The following COPG2 variants were observed in gnomAD, a reference collection of about 807,000 sequenced individuals.
The protein encoded by COPG2 is coatomer subunit gamma-2.
Under a neutral mutation model 46.3 loss-of-function variants are expected in COPG2, and 37 were observed. That is an observed-to-expected ratio of 0.80 (90% CI 0.61 to 1.05). The LOEUF is 1.05. COPG2 is among the 50% of genes least tolerant of loss of function. The pLI is 0.00. For synonymous variants in COPG2, 159 were observed against 129.7 expected (o/e 1.23, Z -1.53); for missense variants, 427 against 387.8 (o/e 1.10, Z -0.85).
Position 130,666,910 on chromosome 7 carries a change from G to GT in COPG2, c.109dup (p.Thr37AsnfsTer23), listed in dbSNP as rs1796093836. On this transcript the variant is annotated frameshift_variant, in exon 3 of 24. Transcript: ENST00000425248. LOFTEE classifies it high-confidence loss of function. Reference sequence around the variant, plus strand: ...CAAACATCTTCTTGGATTGATTGGAGTTTCATTGAATATACGAGCCTATGA... The same window carrying GT: ...CAAACATCTTCTTGGATTGATTGGAGTTTTCATTGAATATACGAGCCTATGA... The GT allele has an allele frequency of 4.5e-6, 7 of 1,560,032 alleles. No homozygotes were observed. Among genetic ancestry groups the GT allele is most frequent in the Non-Finnish European group, 6.1e-6 (7 of 1,143,132 alleles).
At chr7:130,549,408 C>T in intron 17 of COPG2, 32 bp from the exon 18 acceptor site, 1 of 398,510 alleles carries the variant, frequency 2.5e-6, no homozygotes, top group Non-Finnish European at 4.4e-6. Context: ...AGTAAGTGAA[C>T]TTCTCCCACT....
At chr7:130,659,841 GGCGGAGGCT>G (rs1319447579) in intron 4 of COPG2, among the ~76,000 whole-genome samples, 2 of 152,160 alleles carry the variant, frequency 1.3e-5, no homozygotes, top group African/African-American at 4.8e-5. Context: ...AAACCCGGGA[GGCGGAGGCT>G]GCAGTGAGCC....
At chr7:130,531,542 G>C (rs1174370405) in intron 20 of COPG2, among the ~76,000 whole-genome samples, 1 of 151,988 alleles carries the variant, frequency 6.6e-6, no homozygotes, top group Non-Finnish European at 1.5e-5. Flanking sequence ...AGGTGGCAGG[G>C]AGGGGCACAA....
intron 5 of COPG2, among the ~76,000 whole-genome samples, chr7:130,642,237 C>A (rs1184171887): frequency 4.6e-5 from 3 of 65,788 alleles, no homozygotes; most frequent in African/African-American, 1.9e-4. Flanking sequence ...AAGACACTAA[C>A]TACATCTCTT....
At chr7:130,644,088 T>C (rs1795545927) in intron 5 of COPG2, among the ~76,000 whole-genome samples, 2 of 152,246 alleles carry the variant, frequency 1.3e-5, no homozygotes, top group East Asian at 1.9e-4. Context: ...TTAGAATCTA[T>C]TAATTAGAGA....
intron 20 of COPG2, chr7:130,509,954 G>C (rs1187157151): frequency 4.2e-6 from 2 of 471,336 alleles, no homozygotes; most frequent in African/African-American, 2.0e-5. Flanking sequence ...ACAGGCAAAA[G>C]GAAAGAGGCC....
intron 20 of COPG2, among the ~76,000 whole-genome samples, chr7:130,527,049 C>T (rs1799781685): frequency 6.6e-6 from 1 of 151,700 alleles, no homozygotes; most frequent in African/African-American, 2.4e-5. Context: ...GTGATGGATA[C>T]TGGCTGGAGA....
chr7:130,610,407 T>C (rs987756619), intron 9 of COPG2: 2 of 376,522 alleles, frequency 5.3e-6, no homozygotes, highest in Middle Eastern at 3.8e-4. Context: ...AAGAAATCTT[T>C]GTTTTAGAGC....
At chr7:130,600,010 G>C (rs1218466011) in intron 9 of COPG2, among the ~76,000 whole-genome samples, 1 of 152,054 alleles carries the variant, frequency 6.6e-6, no homozygotes, top group African/African-American at 2.4e-5. Context: ...CTAAATAGGA[G>C]GTCAATTTTG....
intron 20 of COPG2, among the ~76,000 whole-genome samples, chr7:130,515,346 AC>A (rs1463354149): frequency 0.012 from 1,789 of 152,234 alleles, 35 homozygotes; most frequent in African/African-American, 0.041. Context: ...GGGAGGAGGT[AC>A]CACACACTGA....
intron 20 of COPG2, among the ~76,000 whole-genome samples, chr7:130,540,589 G>C (rs1374174117): frequency 6.6e-6 from 1 of 152,036 alleles, no homozygotes; most frequent in Non-Finnish European, 1.5e-5. Flanking sequence ...GTGTGTTAAA[G>C]GGCAAATAGG....
At chr7:130,638,875 A>G (rs1554456797) in intron 5 of COPG2, among the ~76,000 whole-genome samples, 1 of 152,198 alleles carries the variant, frequency 6.6e-6, no homozygotes, top group East Asian at 1.9e-4. Flanking sequence ...ACCAGAGGGA[A>G]TCTCCTGGTC....
At chr7:130,638,853 G>A (rs915740839) in intron 5 of COPG2, among the ~76,000 whole-genome samples, 1 of 152,212 alleles carries the variant, frequency 6.6e-6, no homozygotes, top group Non-Finnish European at 1.5e-5. Flanking sequence ...CCAGGGCCCT[G>A]GTGGCGTAGG....
chr7:130,560,077 T>C (rs1793692996), intron 12 of COPG2, among the ~76,000 whole-genome samples: 1 of 152,212 alleles, frequency 6.6e-6, no homozygotes, highest in Non-Finnish European at 1.5e-5. Flanking sequence ...AAACTGCCTC[T>C]ATTCACAAAT....
chr7:130,626,399 AAT>A (rs1795119678), intron 5 of COPG2, among the ~76,000 whole-genome samples: 2 of 86,876 alleles, frequency 2.3e-5, no homozygotes, highest in Non-Finnish European at 4.4e-5. Context: ...ACACCAGGCT[AAT>A]TTTTTTTTTT....
intron 5 of COPG2, among the ~76,000 whole-genome samples, chr7:130,625,509 T>TA (rs1230029244): frequency 1.2e-3 from 176 of 145,228 alleles, no homozygotes; most frequent in Non-Finnish European, 1.6e-3. Context: ...GTTTCCCCAT[T>TA]AAAAAAAAAA....
chr7:130,643,633 G>A (rs1795534464), intron 5 of COPG2, among the ~76,000 whole-genome samples: 1 of 152,082 alleles, frequency 6.6e-6, no homozygotes. Context: ...GATAAAAGAA[G>A]GGAATGGGAA....
In COPG2 at chr7:130,610,119, T is replaced by C. The variant is rs540331441; in HGVS notation, c.737+834A>G. The C allele has an allele frequency of 3.8e-4, 197 of 519,336 alleles. 2 individuals are homozygous for C. The highest frequency in any genetic ancestry group is 2.5e-3 in the South Asian group (182 of 71,386). 32.2% of individuals were successfully genotyped at this position (519,336 alleles called of 1,614,324 possible). ...TATGGGTTACATGTCACTGCCTCTGTATTTTTTGATTGTTTGCTAGACACT... is the reference window on the plus strand; with the variant it reads ...TATGGGTTACATGTCACTGCCTCTGCATTTTTTGATTGTTTGCTAGACACT... On this transcript the variant is annotated intron_variant, in intron 9 of 23. Transcript: ENST00000425248.
intron 20 of COPG2, among the ~76,000 whole-genome samples, chr7:130,514,753 C>A (rs36127057): frequency 0.43 from 64,712 of 151,974 alleles, 16,754 homozygotes; most frequent in East Asian, 0.59. Flanking sequence ...GGCCAAAAGA[C>A]ATGAAGAGGG....
Sources: gnomAD v4.1 joint callset for allele counts (sites outside exome capture counted in the v4.1 genomes callset) on GRCh38, gnomAD v4.1.1 for gene constraint, MANE v1.5 for transcripts, NCBI Gene and HGNC (gene_info 2026-07-23, HGNC 2026-07-21) for gene names.